Variants in KAZN observed in about 807,000 individuals in gnomAD.
The protein encoded by KAZN is kazrin.
In KAZN, 40 loss-of-function variants were observed where a neutral mutation model predicts 87.4. The ratio of observed to expected loss-of-function variants is 0.46; its 90% CI spans 0.36 to 0.60. The LOEUF is 0.60. Ranked by LOEUF, KAZN falls within the 20% of genes least tolerant of loss-of-function variation. KAZN has a pLI of 0.00. For missense variants in KAZN, 898 were observed against 1,073.9 expected, an observed-to-expected ratio of 0.84 and a Z score of 2.29; for synonymous variants, 466 against 458.3, an observed-to-expected ratio of 1.02 and a Z score of -0.22.
chr1:14,671,920 T>C (rs932865176), intron 1 of KAZN, among the ~76,000 whole-genome samples: 2 of 152,144 alleles, frequency 1.3e-5, no homozygotes, highest in Non-Finnish European at 2.9e-5. Flanking sequence ...ATTTTCCCAT[T>C]AGCGCAAGCC....
At chr1:14,570,704 T>A (rs574496154) in intron 2 of KAZN, among the ~76,000 whole-genome samples, 2 of 152,184 alleles carry the variant, frequency 1.3e-5, no homozygotes, top group African/African-American at 4.8e-5. Flanking sequence ...CATCGACGAG[T>A]GTTTGTGTGG....
intron 1 of KAZN, among the ~76,000 whole-genome samples, chr1:14,865,561 C>A (rs1263805179): frequency 6.6e-6 from 1 of 152,096 alleles, no homozygotes; most frequent in African/African-American, 2.4e-5. Context: ...GCCAGGGGAC[C>A]CCCTCCACCA....
intron 2 of KAZN, among the ~76,000 whole-genome samples, chr1:14,378,722 C>T (rs1027459025): frequency 2.0e-5 from 3 of 152,162 alleles, no homozygotes; most frequent in Non-Finnish European, 2.9e-5. Context: ...GGGGATATTC[C>T]ATCCAGGCAG....
At chr1:14,421,530 C>T (rs1665428367) in intron 2 of KAZN, among the ~76,000 whole-genome samples, 1 of 152,114 alleles carries the variant, frequency 6.6e-6, no homozygotes, top group African/African-American at 2.4e-5. Flanking sequence ...AATGTTACCA[C>T]ATTAGGACAG....
chr1:14,643,696 T>C (rs1289096147), intron 1 of KAZN, among the ~76,000 whole-genome samples: 1 of 152,240 alleles, frequency 6.6e-6, no homozygotes, highest in Non-Finnish European at 1.5e-5. Flanking sequence ...GTAGGATTGC[T>C]GGGTTGAACA....
intron 2 of KAZN, 95 bp downstream of exon 2, chr1:14,960,970 CAG>C (rs1663788052): frequency 4.5e-6 from 6 of 1,319,384 alleles, no homozygotes; most frequent in Admixed American, 2.7e-5. Flanking sequence ...CAGATGGACA[CAG>C]GGGTCTCCCA....
chr1:14,646,149 T>C (rs58791832), intron 1 of KAZN, among the ~76,000 whole-genome samples: 3,493 of 152,194 alleles, frequency 0.023, 157 homozygotes, highest in African/African-American at 0.08. Flanking sequence ...CTTTGGGTGA[T>C]AGACCCCGGC....
intron 2 of KAZN, among the ~76,000 whole-genome samples, chr1:14,389,145 A>G (rs1168119834): frequency 1.3e-5 from 2 of 152,168 alleles, no homozygotes; most frequent in African/African-American, 2.4e-5. Flanking sequence ...TCAAAACTAC[A>G]ATGAGGTATC....
chr1:14,053,326 AGAC>A (rs1482198930), intron 1 of KAZN, among the ~76,000 whole-genome samples: 3 of 152,282 alleles, frequency 2.0e-5, no homozygotes, highest in African/African-American at 7.2e-5. Flanking sequence ...CCATCAGAGG[AGAC>A]GACGAGATTG....
At chr1:14,542,630 G>T (rs568940636) in intron 2 of KAZN, among the ~76,000 whole-genome samples, 16 of 152,278 alleles carry the variant, frequency 1.1e-4, no homozygotes, top group South Asian at 8.3e-4. Flanking sequence ...TGATGCTGAG[G>T]TTTGGAGTGC....
At chr1:15,017,352 T>C (rs1181412942) in intron 2 of KAZN, among the ~76,000 whole-genome samples, 2 of 152,214 alleles carry the variant, frequency 1.3e-5, no homozygotes, top group African/African-American at 4.8e-5. Context: ...TGCAGCTCAG[T>C]GCCTGAGCAA....
chr1:14,355,816 T>A (rs1396955524), intron 2 of KAZN, among the ~76,000 whole-genome samples: 2 of 152,208 alleles, frequency 1.3e-5, no homozygotes, highest in African/African-American at 4.8e-5. Flanking sequence ...ACATTTTCTT[T>A]ATCCAGTCTA....
At chr1:14,989,406 CTGGAGGT>C (rs1321407095) in intron 2 of KAZN, among the ~76,000 whole-genome samples, 1 of 152,162 alleles carries the variant, frequency 6.6e-6, no homozygotes, top group Non-Finnish European at 1.5e-5. Context: ...AACCCGGGAG[CTGGAGGT>C]TGCAGTGAGC....
chr1:14,175,625 G>A (rs536532748), intron 1 of KAZN, among the ~76,000 whole-genome samples: 5 of 152,320 alleles, frequency 3.3e-5, no homozygotes, highest in African/African-American at 1.2e-4. Context: ...AAAGAAACAA[G>A]TTGTAATAGA....
chr1:14,648,704 C>T (rs1680992671), intron 1 of KAZN, among the ~76,000 whole-genome samples: 1 of 152,118 alleles, frequency 6.6e-6, no homozygotes, highest in Non-Finnish European at 1.5e-5. Context: ...AGGGGTGGTT[C>T]CTTCCGTGAA....
intron 1 of KAZN, among the ~76,000 whole-genome samples, chr1:14,957,444 A>T (rs1015577866): frequency 3.9e-5 from 6 of 152,210 alleles, no homozygotes; most frequent in Admixed American, 6.5e-5. Flanking sequence ...CACTGTTTCC[A>T]GCGCTGAAGA....
intron 1 of KAZN, among the ~76,000 whole-genome samples, chr1:13,925,663 A>G (rs1640244909): frequency 6.6e-6 from 1 of 152,162 alleles, no homozygotes; most frequent in Non-Finnish European, 1.5e-5. Context: ...AAGGGAATTT[A>G]GATTTTGTTA....
intron 2 of KAZN, among the ~76,000 whole-genome samples, chr1:14,473,821 C>CA (rs1167742496): frequency 6.6e-6 from 1 of 152,088 alleles, no homozygotes; most frequent in Non-Finnish European, 1.5e-5. Flanking sequence ...AGGGCCTTTG[C>CA]AAGTGTTGTT....
At chr1:15,024,600 G>C (rs998256473) in intron 2 of KAZN, among the ~76,000 whole-genome samples, 11 of 152,202 alleles carry the variant, frequency 7.2e-5, no homozygotes, top group Non-Finnish European at 1.3e-4. Flanking sequence ...GAAAAGGGGA[G>C]GCCTCAGTTT....
Sources: allele counts gnomAD v4.1 joint callset (sites outside exome capture counted in the v4.1 genomes callset), GRCh38; gene constraint gnomAD v4.1.1; transcripts MANE v1.5; gene names NCBI Gene and HGNC (gene_info 2026-07-23, HGNC 2026-07-21).